The following FOXJ3 variants were observed in gnomAD, a reference collection of about 807,000 sequenced individuals.
FOXJ3 encodes forkhead box J3.
A neutral mutation model predicts 76.1 loss-of-function variants in FOXJ3; 22 were observed. The observed-to-expected ratio is 0.29, with a 90% confidence interval of 0.21 to 0.41. FOXJ3 has a LOEUF of 0.41. FOXJ3 is among the 10% of genes least tolerant of loss of function. FOXJ3 has a pLI of 1.00. For missense variants in FOXJ3, 613 were observed against 762.1 expected (o/e 0.80, Z 2.30); for synonymous variants, 269 against 261.2 (o/e 1.03, Z -0.29).
chr1:42,267,131 A>C (rs1392885579), intron 3 of FOXJ3, among the ~76,000 whole-genome samples: 1 of 152,072 alleles, frequency 6.6e-6, no homozygotes, highest in Non-Finnish European at 1.5e-5. Flanking sequence ...AGAAACACTG[A>C]AACAGCCCAC....
At position 42,228,153 on chromosome 1, in the gene FOXJ3, T is replaced by C. The variant is rs573042355; in HGVS notation, c.445-187A>G. Among the ~76,000 whole-genome samples the C allele has an allele frequency of 1.3e-3, 194 of 152,278 alleles. No homozygotes were observed. Among genetic ancestry groups the C allele is most frequent in the Non-Finnish European group, 2.3e-3 (155 of 68,018 alleles). On this transcript the variant is annotated intron_variant, in intron 4 of 12. Transcript: ENST00000361346. ...AATATATCCACTTATAATTACATTATTAAAAGAAAACTTTCATAAACTGAA... is the reference window on the plus strand; with the variant it reads ...AATATATCCACTTATAATTACATTACTAAAAGAAAACTTTCATAAACTGAA...
At chr1:42,281,229 C>A (rs1190943719) in intron 2 of FOXJ3, among the ~76,000 whole-genome samples, 8 of 152,244 alleles carry the variant, frequency 5.3e-5, no homozygotes, top group African/African-American at 9.6e-5. Flanking sequence ...AAAATACACA[C>A]ATACCTGTCC....
chr1:42,267,823 T>G (rs1651583064), intron 3 of FOXJ3, among the ~76,000 whole-genome samples: 1 of 151,982 alleles, frequency 6.6e-6, no homozygotes, highest in Non-Finnish European at 1.5e-5. Context: ...TTAAACATGA[T>G]TAAAGATTTT....
At chr1:42,285,719 AGATTAAAAG>A (rs3835688) in intron 2 of FOXJ3, among the ~76,000 whole-genome samples, 67,371 of 151,570 alleles carry the variant, frequency 0.44, 17,187 homozygotes, top group Non-Finnish European at 0.56. Context: ...CCCAAAGAGC[AGATTAAAAG>A]GACTTATTAC....
At chr1:42,209,537 T>G (rs2124348364) in intron 5 of FOXJ3, among the ~76,000 whole-genome samples, 1 of 152,252 alleles carries the variant, frequency 6.6e-6, no homozygotes, top group East Asian at 1.9e-4. Flanking sequence ...ACTTCCTCCA[T>G]GACACATACT....
At position 42,334,084 on chromosome 1, in the gene FOXJ3, C is replaced by T. The variant is rs114544960; in HGVS notation, c.-18+975G>A. 32 of 887,534 alleles carry T rather than the reference C, an allele frequency of 3.6e-5. No homozygotes were observed. The African/African-American group carries it at 5.8e-4, about 16-fold the overall frequency. 55.0% of individuals were successfully genotyped at this position (887,534 alleles called of 1,614,324 possible). On this transcript the variant is annotated intron_variant, in intron 1 of 12. Transcript: ENST00000361346. ...ATGCACCAACACGGAATAGTAAAAC[C>T]TTTGCTAACCAGACACACAAAAAGT...
chr1:42,228,245 T>G (rs111414635), intron 4 of FOXJ3, among the ~76,000 whole-genome samples: 185 of 152,292 alleles, frequency 1.2e-3, no homozygotes, highest in African/African-American at 4.2e-3. Flanking sequence ...AAACACATTT[T>G]TTATAGTAAT....
chr1:42,285,544 T>C (rs1388038817), intron 2 of FOXJ3, among the ~76,000 whole-genome samples: 1 of 152,182 alleles, frequency 6.6e-6, no homozygotes, highest in African/African-American at 2.4e-5. Flanking sequence ...CAAAAGTCTC[T>C]TAAGTTTCTA....
intron 2 of FOXJ3, among the ~76,000 whole-genome samples, chr1:42,289,574 C>T (rs11210616): frequency 0.73 from 111,386 of 152,066 alleles, 40,990 homozygotes; most frequent in Admixed American, 0.81. Flanking sequence ...CAGTTCTATG[C>T]TGTGGATTTA....
intron 4 of FOXJ3, among the ~76,000 whole-genome samples, chr1:42,264,013 G>C (rs1459221702): frequency 7.7e-6 from 1 of 129,046 alleles, no homozygotes; most frequent in South Asian, 2.4e-4. Flanking sequence ...ATCGAGCCCA[G>C]CCATTGAGAG....
intron 4 of FOXJ3, among the ~76,000 whole-genome samples, chr1:42,262,778 G>GA (rs1651149115): frequency 6.6e-6 from 1 of 152,230 alleles, no homozygotes; most frequent in African/African-American, 2.4e-5. Context: ...AAACCCGGGA[G>GA]ACGGAGGCTG....
chr1:42,195,966 TAGGAGATGGCC>T (rs1306191788), intron 7 of FOXJ3, among the ~76,000 whole-genome samples: 1 of 152,250 alleles, frequency 6.6e-6, no homozygotes, highest in Non-Finnish European at 1.5e-5. Context: ...TTATGTCTTG[TAGGAGATGGCC>T]ATGGGGCAGT....
rs963638537 is a variant in FOXJ3, at chr1:42,177,626, G to A, written c.*2084C>T. On this transcript the variant is annotated 3_prime_UTR_variant, in exon 13 of 13. Transcript: ENST00000361346. Reference sequence around the variant, plus strand: ...TTCGTTGATCCAAGGGGCTGGAACTGAGCTTCCTTTTTCATGCCAAGTAGG... The same window carrying A: ...TTCGTTGATCCAAGGGGCTGGAACTAAGCTTCCTTTTTCATGCCAAGTAGG... 1 of 152,468 alleles carries A rather than the reference G, an allele frequency of 6.6e-6. No homozygotes were observed. The highest frequency in any genetic ancestry group is 2.4e-5 in the African/African-American group (1 of 41,382). The allele number at this position is 152,468 out of a possible 1,614,324, so 9.4% of individuals were successfully genotyped here.
chr1:42,301,958 T>C (rs564440653), intron 2 of FOXJ3, among the ~76,000 whole-genome samples: 187 of 152,292 alleles, frequency 1.2e-3, no homozygotes, highest in African/African-American at 3.9e-3. Context: ...GAATTTGCTT[T>C]CATTTGGATG....
At position 42,335,119 on chromosome 1, in the gene FOXJ3, C is replaced by G. The variant is rs1169496289; in HGVS notation, c.-78G>C. 4 of 152,226 alleles carry G rather than the reference C, an allele frequency of 2.6e-5. No individual in the cohort carries two copies. The highest frequency in any genetic ancestry group is 7.2e-5 in the African/African-American group (3 of 41,428). The allele number at this position is 152,226 out of a possible 1,614,324, so 9.4% of individuals were successfully genotyped here. On this transcript the variant is annotated 5_prime_UTR_variant, in exon 1 of 13. Coordinates refer to ENST00000361346, the MANE Select transcript of FOXJ3 (RefSeq NM_014947.5). Reference sequence around the variant, plus strand: ...CCCCGGCCGCTCCGTGCGTCTCCGCCCCCCCGGGAAAGGTCCCAACGGTGC... The same window carrying G: ...CCCCGGCCGCTCCGTGCGTCTCCGCGCCCCCGGGAAAGGTCCCAACGGTGC...
At chr1:42,275,037 G>C (rs72952390) in intron 3 of FOXJ3, among the ~76,000 whole-genome samples, 2,549 of 152,298 alleles carry the variant, frequency 0.017, 66 homozygotes, top group African/African-American at 0.058. Context: ...TGAAAAGGTA[G>C]ATTGGGACCA....
chr1:42,186,246 A>C (rs1646433007), intron 11 of FOXJ3, among the ~76,000 whole-genome samples: 1 of 152,124 alleles, frequency 6.6e-6, no homozygotes, highest in African/African-American at 2.4e-5. Flanking sequence ...CACGTAAAAA[A>C]AATCTGAATA....
intron 12 of FOXJ3, 68 bp downstream of exon 12, chr1:42,181,849 G>A (rs999815803): frequency 4.9e-6 from 5 of 1,014,922 alleles, no homozygotes; most frequent in African/African-American, 1.6e-5. Flanking sequence ...ACCTGCCATC[G>A]TTGTTCCTGG....
At chr1:42,249,048 C>T (rs889263081) in intron 4 of FOXJ3, among the ~76,000 whole-genome samples, 2 of 151,934 alleles carry the variant, frequency 1.3e-5, no homozygotes, top group South Asian at 2.1e-4. Context: ...TGGTGGCTTC[C>T]GGCTTCATCC....
Sources: gnomAD v4.1 joint callset for allele counts (sites outside exome capture counted in the v4.1 genomes callset) on GRCh38, gnomAD v4.1.1 for gene constraint, MANE v1.5 for transcripts, NCBI Gene and HGNC (gene_info 2026-07-23, HGNC 2026-07-21) for gene names.